Variants in TRERF1 observed in about 807,000 individuals in gnomAD.
TRERF1 encodes transcriptional-regulating factor 1.
Under a neutral mutation model 122.9 loss-of-function variants are expected in TRERF1, and 27 were observed. That is an observed-to-expected ratio of 0.22 (90% CI 0.16 to 0.30). The LOEUF is 0.30. TRERF1 is among the 10% of genes least tolerant of loss of function. The pLI is 1.00. For missense variants in TRERF1, 1,248 were observed against 1,560.3 expected (o/e 0.80, Z 3.37); for synonymous variants, 636 against 641.7 (o/e 0.99, Z 0.13).
intron 16 of TRERF1, among the ~76,000 whole-genome samples, chr6:42,233,281 C>CTTT (rs926204150): frequency 2.9e-4 from 37 of 128,956 alleles, no homozygotes; most frequent in South Asian, 4.9e-4. Flanking sequence ...AGCTTTCAAA[C>CTTT]TTTTTTTTTT....
chr6:42,437,872 T>C (rs1785730793), intron 2 of TRERF1, among the ~76,000 whole-genome samples: 1 of 152,104 alleles, frequency 6.6e-6, no homozygotes. Context: ...AGACCTAAAA[T>C]GATGGTGTGC....
At chr6:42,448,153 A>T (rs973835912) in intron 2 of TRERF1, among the ~76,000 whole-genome samples, 11 of 152,110 alleles carry the variant, frequency 7.2e-5, no homozygotes, top group Non-Finnish European at 1.2e-4. Flanking sequence ...ATTCAGCCAA[A>T]TCCCAATTAC....
chr6:42,435,001 G>T (rs1785086245), intron 2 of TRERF1, among the ~76,000 whole-genome samples: 1 of 151,988 alleles, frequency 6.6e-6, no homozygotes, highest in African/African-American at 2.4e-5. Flanking sequence ...GTGGTGGTGG[G>T]TGCCTGTAAT....
At chr6:42,399,876 G>A (rs1248814481) in intron 2 of TRERF1, among the ~76,000 whole-genome samples, 3 of 152,140 alleles carry the variant, frequency 2.0e-5, no homozygotes, top group African/African-American at 7.2e-5. Flanking sequence ...GATCCTCTAT[G>A]GTGTGGTAGT....
chr6:42,287,963 C>T (rs1308894162), intron 4 of TRERF1, among the ~76,000 whole-genome samples: 1 of 152,060 alleles, frequency 6.6e-6, no homozygotes, highest in Non-Finnish European at 1.5e-5. Flanking sequence ...ACCCTGAGCA[C>T]CTGTCCTATG....
In TRERF1 at chr6:42,437,884, T is replaced by G. The variant is rs147506928; in HGVS notation, c.-454+13293A>C. ...AACAGACCTAAAATGATGGTGTGCA[T>G]CTGCACTTAGTAGGCAGCTGTTATT... On this transcript the variant is annotated intron_variant, in intron 2 of 17. Transcript: ENST00000372922. 8.2e-4 allele frequency among the ~76,000 whole-genome samples: 125 copies of G among 152,294 alleles called. 1 individual carries two copies. Among genetic ancestry groups the G allele is most frequent in the African/African-American group, 2.9e-3 (119 of 41,556 alleles).
intron 3 of TRERF1, among the ~76,000 whole-genome samples, chr6:42,349,849 A>G (rs958299553): frequency 6.6e-6 from 1 of 152,158 alleles, no homozygotes; most frequent in African/African-American, 2.4e-5. Flanking sequence ...GATTTATTTT[A>G]TATCTTAAAA....
At chr6:42,245,625 G>A (rs920316315) in intron 14 of TRERF1, among the ~76,000 whole-genome samples, 6 of 152,224 alleles carry the variant, frequency 3.9e-5, no homozygotes, top group African/African-American at 1.4e-4. Flanking sequence ...GTTGTATAAA[G>A]TGCTATTTCA....
At chr6:42,360,428 A>T (rs1771492829) in intron 3 of TRERF1, among the ~76,000 whole-genome samples, 1 of 152,244 alleles carries the variant, frequency 6.6e-6, no homozygotes, top group Non-Finnish European at 1.5e-5. Context: ...ACTGAAAAAC[A>T]GATGCTAACT....
At chr6:42,238,251 T>C (rs1772739007) in intron 15 of TRERF1, among the ~76,000 whole-genome samples, 1 of 152,252 alleles carries the variant, frequency 6.6e-6, no homozygotes, top group Admixed American at 6.5e-5. Flanking sequence ...ATTTGTTTCA[T>C]GGTATTTGTT....
intron 5 of TRERF1, 122 bp from the exon 6 acceptor site, chr6:42,265,919 C>G: frequency 5.1e-6 from 5 of 984,466 alleles, no homozygotes; most frequent in South Asian, 2.8e-5. Context: ...CTGTCTGCTT[C>G]GTGCTGACCC....
intron 3 of TRERF1, among the ~76,000 whole-genome samples, chr6:42,345,582 T>C (rs1451482932): frequency 6.6e-6 from 1 of 152,268 alleles, no homozygotes; most frequent in Non-Finnish European, 1.5e-5. Flanking sequence ...CAGAGCAGTC[T>C]TGGAATTATT....
chr6:42,303,251 A>G (rs913445319), intron 3 of TRERF1, among the ~76,000 whole-genome samples: 4 of 152,222 alleles, frequency 2.6e-5, no homozygotes, highest in African/African-American at 7.2e-5. Flanking sequence ...ATCAAGTGCA[A>G]GAAGGAAACC....
intron 3 of TRERF1, among the ~76,000 whole-genome samples, chr6:42,355,876 TCCAAGAG>T (rs146358198): frequency 0.037 from 5,670 of 152,312 alleles, 273 homozygotes; most frequent in East Asian, 0.24. Flanking sequence ...AGGCTTTGGT[TCCAAGAG>T]CCTCCTTTTA....
intron 3 of TRERF1, among the ~76,000 whole-genome samples, chr6:42,322,829 G>A (rs142724984): frequency 2.6e-5 from 4 of 152,138 alleles, no homozygotes; most frequent in African/African-American, 9.6e-5. Context: ...GGGGATTAAC[G>A]CTCCCTGCTT....
At chr6:42,407,804 T>C (rs1780408597) in intron 2 of TRERF1, among the ~76,000 whole-genome samples, 1 of 151,690 alleles carries the variant, frequency 6.6e-6, no homozygotes, top group African/African-American at 2.4e-5. Flanking sequence ...AAATAAGCCC[T>C]ATACCTGTCC....
At chr6:42,310,404 T>C (rs77235766) in intron 3 of TRERF1, among the ~76,000 whole-genome samples, 5,550 of 152,300 alleles carry the variant, frequency 0.036, 131 homozygotes, top group African/African-American at 0.068. Flanking sequence ...ACCTTGGCAT[T>C]TGTGACACTG....
At position 42,305,995 on chromosome 6, in the gene TRERF1, CTTTTTTTTTTTTTTT is replaced by C. The variant is rs55700516; in HGVS notation, c.-370-5261_-370-5247del. Among the ~76,000 whole-genome samples the C allele has an allele frequency of 1.7e-4, 12 of 69,500 alleles. No individual in the cohort carries two copies. The Admixed American group carries it at 2.8e-3, about 16-fold the overall frequency. The allele number at this position is 69,500 out of a possible 152,430, so 45.6% of individuals were successfully genotyped here. A position where few individuals can be genotyped will look rare whatever the true frequency, so the allele number is the denominator to read the frequency against. ...CCCATTCTCTCTCCAAATATCTCTC[CTTTTTTTTTTTTTTT>C]TTTTTTTTTGAGACAGAGTCTTACT... is the stretch of plus-strand genomic sequence containing the variant. On this transcript the variant is annotated intron_variant, in intron 3 of 17. Coordinates refer to ENST00000372922, the Ensembl canonical transcript of TRERF1.
chr6:42,341,908 T>C (rs1460102242), intron 3 of TRERF1, among the ~76,000 whole-genome samples: 1 of 152,194 alleles, frequency 6.6e-6, no homozygotes, highest in South Asian at 2.1e-4. Context: ...ACATAGACAT[T>C]CCCCTCCCAC....
Sources: allele counts gnomAD v4.1 joint callset (sites outside exome capture counted in the v4.1 genomes callset), GRCh38; gene constraint gnomAD v4.1.1; transcripts MANE v1.5; gene names NCBI Gene and HGNC (gene_info 2026-07-23, HGNC 2026-07-21).